The following KHSRP variants were observed in gnomAD, a reference collection of about 807,000 sequenced individuals.
The protein encoded by KHSRP is KH-type splicing regulatory protein.
A neutral mutation model predicts 94.9 loss-of-function variants in KHSRP; 13 were observed. The observed-to-expected ratio is 0.14, with a 90% confidence interval of 0.09 to 0.22. KHSRP has a LOEUF of 0.22. KHSRP is among the 10% of genes least tolerant of loss of function. The probability of loss-of-function intolerance (pLI) is 1.00; values close to 1 mark genes in which losing one functional copy is unlikely to be tolerated. For synonymous variants in KHSRP, 495 were observed against 401.4 expected, an observed-to-expected ratio of 1.23 and a Z score of -2.79; for missense variants, 710 against 1,010.0, an observed-to-expected ratio of 0.70 and a Z score of 4.03.
Position 6,416,507 on chromosome 19 carries a change from T to C in KHSRP, c.1471A>G (p.Ile491Val). ...PQQIDHAKQLIEEKIEGPLCP... is the reference protein window; with the variant it reads ...PQQIDHAKQLVEEKIEGPLCP... ...CAACCCACCTCGATCTTTTCCTCGA[T>C]AAGCTGCTTGGCGTGGTCAATCTGC... The change falls in exon 14 of 19, where the codon ATC becomes GTC. Residue 491 changes from isoleucine (I) to valine (V), a missense_variant. Around this residue, in one of 5 missense-constraint regions of KHSRP, gnomAD observed 37 missense variants for 61.1 expected, o/e 0.61. Transcript: ENST00000600480. 6.2e-7 allele frequency: 1 copy of C among 1,613,128 alleles called. No homozygotes were observed. Among genetic ancestry groups the C allele is most frequent in the Non-Finnish European group, 8.5e-7 (1 of 1,179,532 alleles).
Position 6,418,463 on chromosome 19 carries a change from C to T in KHSRP, c.879+20G>A. 6.2e-7 allele frequency: 1 copy of T among 1,601,316 alleles called. No homozygotes were observed. Among genetic ancestry groups the T allele is most frequent in the Non-Finnish European group, 8.5e-7 (1 of 1,169,650 alleles). The stretch of plus-strand genomic sequence containing the variant: ...CCGTGCCTCTCCAGAACCCCCTCCA[C>T]CACCCCAGGGCGTGCTCACCTGCAC... On this transcript the variant is annotated intron_variant, in intron 9 of 18. Transcript: ENST00000600480. This position sits in a 1 kb window ranked among gnomAD's most constrained non-coding sequence, Gnocchi z 4.3.
At position 6,414,350 on chromosome 19, in the gene KHSRP, A is replaced by G. The variant is rs181050702; in HGVS notation, c.*674T>C. On this transcript the variant is annotated 3_prime_UTR_variant, in exon 19 of 19. Coordinates refer to ENST00000600480, the MANE Select transcript of KHSRP (RefSeq NM_001366299.1). ...GATGGAGAAGGAGGGACAGAGCAGG[A>G]AGAGAGGAGAGGGGCCGCGGAGGGC... 115 of 1,379,474 alleles carry G rather than the reference A, an allele frequency of 8.3e-5. No individual in the cohort carries two copies. The highest frequency in any genetic ancestry group is 2.2e-4 in the Admixed American group (7 of 31,754). 85.5% of individuals were successfully genotyped at this position (1,379,474 alleles called of 1,614,324 possible). A position where few individuals can be genotyped will look rare whatever the true frequency, so the allele number is the denominator to read the frequency against.
chr19:6,414,667 G>GAA lies in KHSRP; in HGVS notation c.*355_*356dup. 1 of 1,014,222 alleles carries GAA rather than the reference G, an allele frequency of 9.9e-7. No homozygotes were observed. The highest frequency in any genetic ancestry group is 1.2e-6 in the Non-Finnish European group (1 of 849,592). The allele number at this position is 1,014,222 out of a possible 1,614,324, so 62.8% of individuals were successfully genotyped here. A position where few individuals can be genotyped will look rare whatever the true frequency, so the allele number is the denominator to read the frequency against. ...CTGCAACACAGTCACTTGGACACAG[G>GAA]AAAAAAGATCATGGGTTTAAAAAAT... is the stretch of plus-strand genomic sequence containing the variant. On this transcript the variant is annotated 3_prime_UTR_variant, in exon 19 of 19. Coordinates refer to ENST00000600480, the MANE Select transcript of KHSRP (RefSeq NM_001366299.1).
Position 6,418,376 on chromosome 19 carries a change from G to T in KHSRP, c.879+107C>A. On this transcript the variant is annotated intron_variant, in intron 9 of 18. Transcript: ENST00000600480. This position sits in a 1 kb window ranked among gnomAD's most constrained non-coding sequence, Gnocchi z 4.3. ...TTGCAAGCCTCTTGGTGTTATGACC[G>T]ACTGTTCACATATCTCTCTGGCGGA... The T allele has an allele frequency of 1.2e-6, 1 of 808,270 alleles. No individual in the cohort carries two copies. Among genetic ancestry groups the T allele is most frequent in the Non-Finnish European group, 2.1e-6 (1 of 485,494 alleles). 50.1% of individuals were successfully genotyped at this position (808,270 alleles called of 1,614,324 possible).
At chr19:6,419,520 C>T (rs2092182032) in intron 6 of KHSRP, among the ~76,000 whole-genome samples, 2 of 152,134 alleles carry the variant, frequency 1.3e-5, no homozygotes, top group Non-Finnish European at 2.9e-5. Context: ...GGTCCAGGAG[C>T]CGGCCACCCC....
intron 14 of KHSRP, 38 bp from the exon 15 acceptor site, chr19:6,416,445 G>C: frequency 6.2e-7 from 1 of 1,612,828 alleles, no homozygotes; most frequent in Non-Finnish European, 8.5e-7. Context: ...AGTGGGCTGG[G>C]ATCCGGGCTG....
rs1447468029 is a variant in KHSRP at position 6,413,969 on chromosome 19, C to A, written c.*1055G>T. The A allele has an allele frequency of 1.8e-6, 2 of 1,122,922 alleles. No individual in the cohort carries two copies. Among genetic ancestry groups the A allele is most frequent in the Non-Finnish European group, 2.5e-6 (2 of 813,708 alleles). The allele number at this position is 1,122,922 out of a possible 1,614,324, so 69.6% of individuals were successfully genotyped here. On this transcript the variant is annotated 3_prime_UTR_variant, in exon 19 of 19. Coordinates refer to ENST00000600480, the MANE Select transcript of KHSRP (RefSeq NM_001366299.1). The stretch of plus-strand genomic sequence containing the variant: ...GGGCCCGGCATGCCCCCAAGTCCCC[C>A]CCACCCTGCTTGCCGCGAGGGCTCC...
At chr19:6,422,255 C>T (rs935034968) in intron 2 of KHSRP, 85 bp downstream of exon 2, 4 of 841,594 alleles carry the variant, frequency 4.8e-6, no homozygotes, top group Non-Finnish European at 8.0e-6. Flanking sequence ...GTGACACCCA[C>T]CCCCTCTGAA....
intron 4 of KHSRP, chr19:6,421,056 C>T (rs2145122813): frequency 3.4e-6 from 2 of 582,538 alleles, no homozygotes; most frequent in Middle Eastern, 4.5e-4. Context: ...CCTATCACTA[C>T]AGTGACTGCC....
At position 6,416,835 on chromosome 19, in the gene KHSRP, GC is replaced by G; in HGVS notation, c.1229del (p.Gly410AlafsTer18). On this transcript the variant is annotated frameshift_variant, in exon 13 of 19. Transcript: ENST00000600480. LOFTEE classifies it high-confidence loss of function. Reference sequence around the variant, plus strand: ...TGCCTTGGCCTCTTCCTCGGCCTCGGCCCCCCGGGGGCATGCCTGGACCCCC... The same window carrying G: ...TGCCTTGGCCTCTTCCTCGGCCTCGGCCCCCGGGGGCATGCCTGGACCCCC... Reference protein sequence around the residue: ...PPGGPGMPPGGRGRGRGQGNW... With the variant: ...PPGGPGMPPGXRGRGRGQGNW... The G allele has an allele frequency of 1.9e-6, 3 of 1,589,592 alleles. No homozygotes were observed. The highest frequency in any genetic ancestry group is 1.8e-5 in the Admixed American group (1 of 54,690).
rs1250751094 is a variant in KHSRP, at chr19:6,415,630, G to A, written c.1792C>T (p.Pro598Ser). The change falls in exon 17 of 19, where the codon CCT (proline) becomes TCT (serine). Residue 598 changes from proline (P) to serine (S), a missense_variant. This residue lies in a region of KHSRP where 292 missense variants were observed against 340.5 expected (regional missense o/e 0.86). Transcript: ENST00000600480. ...PGPVPGPAPA[P>S]AAPPAQGEPP... ...TCACCCTGAGCCGGTGGGGCCGCAG[G>A]GGCCGGTGCGGGGCCGGGGACGGGG... is the stretch of plus-strand genomic sequence containing the variant. The A allele has an allele frequency of 6.6e-7, 1 of 1,525,194 alleles. No homozygotes were observed. Among genetic ancestry groups the A allele is most frequent in the Non-Finnish European group, 8.8e-7 (1 of 1,137,590 alleles). 94.5% of individuals were successfully genotyped at this position (1,525,194 alleles called of 1,614,324 possible).
In KHSRP at chr19:6,413,323, G is replaced by A. The variant is rs966456308; in HGVS notation, c.*1701C>T. 3 of 305,672 alleles carry A rather than the reference G, an allele frequency of 9.8e-6. No homozygotes were observed. The highest frequency in any genetic ancestry group is 2.4e-5 in the South Asian group (1 of 41,878). 18.9% of individuals were successfully genotyped at this position (305,672 alleles called of 1,614,324 possible). ...CTACAGGGAGGGAAGGAAAGGGGGGGAGACAGACAGCACCCGCAGACGGGG... is the reference window on the plus strand; with the variant it reads ...CTACAGGGAGGGAAGGAAAGGGGGGAAGACAGACAGCACCCGCAGACGGGG... On this transcript the variant is annotated 3_prime_UTR_variant, in exon 19 of 19. Transcript: ENST00000600480.
At chr19:6,421,715 C>T in intron 2 of KHSRP, 27 bp from the exon 3 acceptor site, 2 of 1,613,752 alleles carry the variant, frequency 1.2e-6, no homozygotes, top group Non-Finnish European at 1.7e-6. Flanking sequence ...ATGGCAGATG[C>T]AGCACCCACC....
At chr19:6,419,790 T>C in intron 6 of KHSRP, among the ~76,000 whole-genome samples, 1 of 152,212 alleles carries the variant, frequency 6.6e-6, no homozygotes, top group South Asian at 2.1e-4. Flanking sequence ...GGCAGGTCAG[T>C]GCAGTGCGTC....
rs748317528 is a variant in KHSRP, at chr19:6,418,920, A to G, written c.606-44T>C. ...GGGGATGAGCGGGTGCCACCGCTGG[A>G]GAAAGGTACTGGTCTGGTGGCCCAC... On this transcript the variant is annotated intron_variant, in intron 7 of 18. Transcript: ENST00000600480. This position sits in a 1 kb window ranked among gnomAD's most constrained non-coding sequence, Gnocchi z 4.3. The G allele has an allele frequency of 1.3e-6, 2 of 1,501,092 alleles. No homozygotes were observed. Among genetic ancestry groups the G allele is most frequent in the Non-Finnish European group, 8.8e-7 (1 of 1,130,680 alleles). The allele number at this position is 1,501,092 out of a possible 1,614,324, so 93.0% of individuals were successfully genotyped here. A position where few individuals can be genotyped will look rare whatever the true frequency, so the allele number is the denominator to read the frequency against.
Position 6,414,989 on chromosome 19 carries a change from G to C in KHSRP, c.*35C>G. 1 of 1,443,280 alleles carries C rather than the reference G, an allele frequency of 6.9e-7. No homozygotes were observed. The allele number at this position is 1,443,280 out of a possible 1,614,324, so 89.4% of individuals were successfully genotyped here. On this transcript the variant is annotated 3_prime_UTR_variant, in exon 19 of 19. Transcript: ENST00000600480. The stretch of plus-strand genomic sequence containing the variant: ...TCCCTGGCGGTGCGTGGGGACTCCC[G>C]GAGACCTCCGGCCACACGGCCCCCG...
At position 6,415,022 on chromosome 19, in the gene KHSRP, C is replaced by T; in HGVS notation, c.*2G>A. ...CCGGCCACACGGCCCCCGCTGCAGG[C>T]ATCAAGGGCACACCCCGCAGGGGAA... On this transcript the variant is annotated 3_prime_UTR_variant, in exon 19 of 19. Coordinates refer to ENST00000600480, the MANE Select transcript of KHSRP (RefSeq NM_001366299.1). 3 of 1,485,832 alleles carry T rather than the reference C, an allele frequency of 2.0e-6. No individual in the cohort carries two copies. The South Asian group carries it at 4.0e-5, about 20-fold the overall frequency. The allele number at this position is 1,485,832 out of a possible 1,614,324, so 92.0% of individuals were successfully genotyped here.
intron 3 of KHSRP, 63 bp from the exon 4 acceptor site, chr19:6,421,380 T>A: frequency 1.3e-6 from 2 of 1,523,972 alleles, no homozygotes; most frequent in Non-Finnish European, 8.9e-7. Flanking sequence ...TGGCACTGCC[T>A]GCCCCGGGTC....
At chr19:6,416,448 C>A (rs1402099476) in intron 14 of KHSRP, 41 bp from the exon 15 acceptor site, 1 of 1,612,512 alleles carries the variant, frequency 6.2e-7, no homozygotes, top group African/African-American at 1.3e-5. Context: ...GGGCTGGGAT[C>A]CGGGCTGTGA....
Sources: allele counts gnomAD v4.1 joint callset (sites outside exome capture counted in the v4.1 genomes callset), GRCh38; gene constraint gnomAD v4.1.1; regional missense constraint gnomAD v4.1.1; non-coding constraint Gnocchi (gnomAD v3.1); transcripts MANE v1.5; gene names NCBI Gene and HGNC (gene_info 2026-07-23, HGNC 2026-07-21).